TBPL1: variants seen among roughly 807,000 people sequenced by gnomAD.
TBPL1 encodes the protein TATA box-binding protein-like 1.
A neutral mutation model predicts 22.1 loss-of-function variants in TBPL1; 4 were observed. The observed-to-expected ratio is 0.18, with a 90% CI of 0.09 to 0.41. The LOEUF is 0.41. Among genes scored for constraint, TBPL1 ranks in the 10% least tolerant of loss-of-function variants. The probability of loss-of-function intolerance (pLI) is 1.00; values close to 1 mark genes in which losing one functional copy is unlikely to be tolerated. For missense variants in TBPL1, 115 were observed against 222.3 expected (o/e 0.52, Z 3.07); for synonymous variants, 64 against 71.0 (o/e 0.90, Z 0.50).
intron 1 of TBPL1, among the ~76,000 whole-genome samples, chr6:133,976,571 C>T (rs1776316181): frequency 6.6e-6 from 1 of 152,120 alleles, no homozygotes; most frequent in Admixed American, 6.5e-5. Context: ...TCTGTGTTTT[C>T]AAGAATAACC....
intron 4 of TBPL1, 104 bp downstream of exon 4, chr6:133,982,984 A>G: frequency 9.3e-7 from 1 of 1,074,088 alleles, no homozygotes; most frequent in Non-Finnish European, 1.3e-6. Flanking sequence ...TACTATTCTT[A>G]TGATTAAACT....
chr6:133,974,114 A>G (rs1018184412), intron 1 of TBPL1, among the ~76,000 whole-genome samples: 3 of 152,110 alleles, frequency 2.0e-5, no homozygotes, highest in African/African-American at 7.2e-5. Context: ...ATAAGCCAAA[A>G]TGAACTCATA....
At position 133,979,948 on chromosome 6, in the gene TBPL1, G is replaced by T. The variant is rs116429771; in HGVS notation, c.-44-134G>T. 1.2e-3 allele frequency: 821 copies of T among 693,628 alleles called. 6 individuals carry two copies. The African/African-American group carries it at 0.014, about 12-fold the overall frequency. 43.0% of individuals were successfully genotyped at this position (693,628 alleles called of 1,614,324 possible). ...AGACATGAGCCACTGTGCCCGGCCA[G>T]GGACATGATTTGATTCTAGTAACAT... On this transcript the variant is annotated intron_variant, in intron 1 of 6. Transcript: ENST00000237264.
chr6:133,962,278 G>A (rs775013272), intron 1 of TBPL1, among the ~76,000 whole-genome samples: 34 of 152,152 alleles, frequency 2.2e-4, no homozygotes, highest in Non-Finnish European at 5.9e-5. Context: ...GAGACAATTA[G>A]GAAGATAATC....
chr6:133,965,512 TC>T (rs1214823764), intron 1 of TBPL1, among the ~76,000 whole-genome samples: 1 of 152,092 alleles, frequency 6.6e-6, no homozygotes, highest in Non-Finnish European at 1.5e-5. Context: ...TTTGCCACCT[TC>T]CCTGTCCCCA....
chr6:133,974,468 G>T (rs1776279481), intron 1 of TBPL1, among the ~76,000 whole-genome samples: 1 of 152,094 alleles, frequency 6.6e-6, no homozygotes. Flanking sequence ...TGAGTAGCTG[G>T]GATTACAGGC....
At chr6:133,959,343 G>C (rs1416488623) in intron 1 of TBPL1, among the ~76,000 whole-genome samples, 2 of 151,952 alleles carry the variant, frequency 1.3e-5, no homozygotes, top group Admixed American at 1.3e-4. Flanking sequence ...CACCATGCCT[G>C]GCCTGTGTTA....
At chr6:133,958,841 C>T (rs1775970187) in intron 1 of TBPL1, among the ~76,000 whole-genome samples, 1 of 151,956 alleles carries the variant, frequency 6.6e-6, no homozygotes, top group African/African-American at 2.4e-5. Context: ...TTCCTTCTTC[C>T]ATGTTGTGCT....
chr6:133,987,104 C>A lies in TBPL1; in HGVS notation c.*64C>A. On this transcript the variant is annotated 3_prime_UTR_variant, in exon 7 of 7. Transcript: ENST00000237264. ...TTTTAAACCTGCTGCACATTGGACT[C>A]AAAAGGAAAACTGGACCAACAATAA... 8.7e-7 allele frequency: 1 copy of A among 1,152,396 alleles called. No homozygotes were observed. Among genetic ancestry groups the A allele is most frequent in the Non-Finnish European group, 1.2e-6 (1 of 801,364 alleles). The allele number at this position is 1,152,396 out of a possible 1,614,324, so 71.4% of individuals were successfully genotyped here.
At chr6:133,977,651 G>A (rs1203463483) in intron 1 of TBPL1, among the ~76,000 whole-genome samples, 3 of 152,190 alleles carry the variant, frequency 2.0e-5, no homozygotes, top group Non-Finnish European at 4.4e-5. Flanking sequence ...CAAGGGATGT[G>A]CAACAGTTAG....
intron 4 of TBPL1, among the ~76,000 whole-genome samples, chr6:133,984,047 A>T (rs772084398): frequency 5.9e-5 from 9 of 151,930 alleles, no homozygotes; most frequent in Non-Finnish European, 1.2e-4. Context: ...CTGGACTTAA[A>T]TTTTTTTTCC....
At chr6:133,967,390 A>G (rs1433180261) in intron 1 of TBPL1, among the ~76,000 whole-genome samples, 1 of 152,228 alleles carries the variant, frequency 6.6e-6, no homozygotes, top group Non-Finnish European at 1.5e-5. Context: ...AATCAATAAG[A>G]AATCTTAGAA....
chr6:133,988,638 G>T lies in TBPL1; in HGVS notation c.*1598G>T, dbSNP rs932811504. Reference sequence around the variant, plus strand: ...TTCTCAATGCCTTCCCTAACCTCCTGCTTATTCCAAAGTGGAAAGCAAAGG... The same window carrying T: ...TTCTCAATGCCTTCCCTAACCTCCTTCTTATTCCAAAGTGGAAAGCAAAGG... On this transcript the variant is annotated 3_prime_UTR_variant, in exon 7 of 7. Transcript: ENST00000237264. 7.2e-5 allele frequency: 11 copies of T among 151,790 alleles called. No individual in the cohort carries two copies. The highest frequency in any genetic ancestry group is 2.7e-4 in the African/African-American group (11 of 41,296). 9.4% of individuals were successfully genotyped at this position (151,790 alleles called of 1,614,324 possible).
chr6:133,958,283 C>T (rs962294035), intron 1 of TBPL1, among the ~76,000 whole-genome samples: 1 of 152,198 alleles, frequency 6.6e-6, no homozygotes, highest in Non-Finnish European at 1.5e-5. Context: ...TTAGAAGGCA[C>T]TATTTTTTAC....
chr6:133,965,351 A>G (rs1237612535), intron 1 of TBPL1, among the ~76,000 whole-genome samples: 2 of 152,248 alleles, frequency 1.3e-5, no homozygotes, highest in Non-Finnish European at 2.9e-5. Context: ...TTTAAATGAA[A>G]TGAACATCAT....
In TBPL1 at chr6:133,982,773, T is replaced by A. The variant is rs1194368091; in HGVS notation, c.219-44T>A. The A allele has an allele frequency of 2.5e-6, 4 of 1,598,674 alleles. No homozygotes were observed. The African/African-American group carries it at 4.1e-5, about 16-fold the overall frequency. On this transcript the variant is annotated intron_variant, in intron 3 of 6. Transcript: ENST00000237264. ...GTTATGTTCCTCAGTATAACATTTA[T>A]TTCCTGTGTAACTGATAATCTTTTT...
At chr6:133,955,640 G>A (rs1005518070) in intron 1 of TBPL1, among the ~76,000 whole-genome samples, 1 of 152,060 alleles carries the variant, frequency 6.6e-6, no homozygotes, top group Admixed American at 6.5e-5. Flanking sequence ...ATTAAAATAA[G>A]GTATATTAAA....
Position 133,987,646 on chromosome 6 carries a change from G to GTATATATATATA in TBPL1, c.*607_*608insATATATATATAT, listed in dbSNP as rs1165164380. On this transcript the variant is annotated 3_prime_UTR_variant, in exon 7 of 7. Coordinates refer to ENST00000237264, the MANE Select transcript of TBPL1 (RefSeq NM_004865.4). ...ATTTTGTGTGTGTGTGTGTGTGTGT[G>GTATATATATATA]TGTATATATATATATATATATGCAC... 7 of 133,212 alleles carry GTATATATATATA rather than the reference G, an allele frequency of 5.3e-5. No individual in the cohort carries two copies. The highest frequency in any genetic ancestry group is 1.9e-4 in the African/African-American group (7 of 36,114). 8.3% of individuals were successfully genotyped at this position (133,212 alleles called of 1,614,324 possible).
At chr6:133,965,729 T>C (rs1562657970) in intron 1 of TBPL1, among the ~76,000 whole-genome samples, 1 of 152,162 alleles carries the variant, frequency 6.6e-6, no homozygotes, top group South Asian at 2.1e-4. Context: ...TGAAGGAATA[T>C]GATTTGCTTT....
Sources: allele counts gnomAD v4.1 joint callset (sites outside exome capture counted in the v4.1 genomes callset), GRCh38; gene constraint gnomAD v4.1.1; transcripts MANE v1.5; gene names NCBI Gene and HGNC (gene_info 2026-07-23, HGNC 2026-07-21).